The following LYN variants were observed in gnomAD, a reference collection of about 807,000 sequenced individuals.
The protein encoded by LYN is tyrosine-protein kinase Lyn.
Under a neutral mutation model 65.0 loss-of-function variants are expected in LYN, and 12 were observed. The observed-to-expected ratio is 0.18, with a 90% confidence interval of 0.12 to 0.30. LYN has a LOEUF of 0.30. Ranked by LOEUF, LYN falls within the 10% of genes least tolerant of loss-of-function variation. The pLI is 1.00. For synonymous variants in LYN, 222 were observed against 221.2 expected, an observed-to-expected ratio of 1.00 and a Z score of -0.03; for missense variants, 380 against 623.2, an observed-to-expected ratio of 0.61 and a Z score of 4.16.
intron 1 of LYN, among the ~76,000 whole-genome samples, chr8:55,936,596 C>T (rs905925894): frequency 7.9e-5 from 12 of 151,878 alleles, no homozygotes; most frequent in African/African-American, 2.4e-4. Context: ...GCAGAGATCG[C>T]GCCATTGCAC....
rs1000547484 is a variant in LYN, at chr8:55,879,965, AG to A, written c.-143del. ...GCGCCACCCCCGGCCCCGCGCCAGC[AG>A]CCCCTCGCCGCGCGTCCAGCGTTCC... On this transcript the variant is annotated 5_prime_UTR_variant, in exon 1 of 13. Transcript: ENST00000519728. 8.2e-6 allele frequency: 2 copies of A among 244,762 alleles called. No homozygotes were observed. The highest frequency in any genetic ancestry group is 4.7e-5 in the African/African-American group (2 of 42,598). The allele number at this position is 244,762 out of a possible 1,614,324, so 15.2% of individuals were successfully genotyped here.
chr8:55,936,302 G>A (rs771740148), intron 1 of LYN, among the ~76,000 whole-genome samples: 2 of 152,178 alleles, frequency 1.3e-5, no homozygotes, highest in African/African-American at 2.4e-5. Flanking sequence ...TGGATCTGGA[G>A]CTTCCTCCAC....
At chr8:55,911,166 TATACACGTATATATATATATATAC>T (rs1805608621) in intron 1 of LYN, among the ~76,000 whole-genome samples, 1 of 28,014 alleles carries the variant, frequency 3.6e-5, no homozygotes, top group Non-Finnish European at 7.9e-5. Context: ...TGTACATATA[TATACACGTATATATATATATATAC>T]ACACACACAT....
intron 1 of LYN, among the ~76,000 whole-genome samples, chr8:55,913,997 G>A (rs1163971418): frequency 5.9e-5 from 9 of 152,118 alleles, no homozygotes; most frequent in Non-Finnish European, 1.2e-4. Context: ...GATGAGCAAT[G>A]AGCAGTGAGG....
chr8:55,923,757 C>G (rs1806010611), intron 1 of LYN, among the ~76,000 whole-genome samples: 1 of 152,050 alleles, frequency 6.6e-6, no homozygotes, highest in Non-Finnish European at 1.5e-5. Context: ...CCAGGCTGGT[C>G]TCGAACTCCT....
chr8:56,009,379 CT>C (rs1207497752), intron 12 of LYN, among the ~76,000 whole-genome samples: 2 of 152,228 alleles, frequency 1.3e-5, no homozygotes, highest in African/African-American at 2.4e-5. Context: ...CAGAAATTTC[CT>C]TAGCTTCTAT....
At chr8:55,926,422 T>C (rs1303145386) in intron 1 of LYN, among the ~76,000 whole-genome samples, 1 of 152,260 alleles carries the variant, frequency 6.6e-6, no homozygotes, top group Non-Finnish European at 1.5e-5. Flanking sequence ...GTACTTTGCC[T>C]TGCCATTTTA....
At chr8:55,912,030 A>T (rs992275889) in intron 1 of LYN, among the ~76,000 whole-genome samples, 4 of 152,054 alleles carry the variant, frequency 2.6e-5, no homozygotes, top group African/African-American at 9.7e-5. Flanking sequence ...GCTTTCTCCC[A>T]TCTAGTGTTT....
At position 56,010,688 on chromosome 8, in the gene LYN, CTG is replaced by C. The variant is rs1299395852; in HGVS notation, c.*580_*581del. The C allele has an allele frequency of 4.3e-6, 1 of 232,156 alleles. No individual in the cohort carries two copies. The highest frequency in any genetic ancestry group is 2.2e-5 in the African/African-American group (1 of 44,986). 14.4% of individuals were successfully genotyped at this position (232,156 alleles called of 1,614,324 possible). A position where few individuals can be genotyped will look rare whatever the true frequency, so the allele number is the denominator to read the frequency against. On this transcript the variant is annotated 3_prime_UTR_variant, in exon 13 of 13. Coordinates refer to ENST00000519728, the MANE Select transcript of LYN (RefSeq NM_002350.4). The stretch of plus-strand genomic sequence containing the variant: ...TCCCCCTACCTCCCAAAATCTGAGA[CTG>C]TTAAAACATTTTTCTTCTATGAACA...
At chr8:56,007,075 A>G (rs1225774259) in intron 12 of LYN, among the ~76,000 whole-genome samples, 1 of 152,152 alleles carries the variant, frequency 6.6e-6, no homozygotes, top group Non-Finnish European at 1.5e-5. Flanking sequence ...AGGAAAAAAA[A>G]ATCTGCTGTG....
chr8:55,891,681 C>A, intron 1 of LYN, among the ~76,000 whole-genome samples: 1 of 151,880 alleles, frequency 6.6e-6, no homozygotes, highest in East Asian at 1.9e-4. Flanking sequence ...AAAATAGTTA[C>A]GATACAAGTT....
intron 1 of LYN, among the ~76,000 whole-genome samples, chr8:55,891,564 ATGGG>A (rs2130363258): frequency 6.6e-6 from 1 of 152,290 alleles, no homozygotes; most frequent in East Asian, 1.9e-4. Context: ...TTACTGCTTA[ATGGG>A]TACAGAGTTT....
chr8:55,930,960 G>T (rs1445944687), intron 1 of LYN, among the ~76,000 whole-genome samples: 2 of 152,054 alleles, frequency 1.3e-5, no homozygotes, highest in Non-Finnish European at 2.9e-5. Flanking sequence ...TACTCTCTAA[G>T]TTCTTACTCC....
At chr8:55,949,879 T>C (rs1341066933) in intron 4 of LYN, among the ~76,000 whole-genome samples, 1 of 152,116 alleles carries the variant, frequency 6.6e-6, no homozygotes, top group Non-Finnish European at 1.5e-5. Context: ...TTAGAACATT[T>C]TAAATACCCC....
chr8:55,894,536 A>ATT (rs34130107), intron 1 of LYN, among the ~76,000 whole-genome samples: 3 of 142,948 alleles, frequency 2.1e-5, no homozygotes, highest in Non-Finnish European at 1.5e-5. Flanking sequence ...CACCTGGCTA[A>ATT]TTTTTTTTTT....
At chr8:55,991,142 G>A (rs1387960781) in intron 10 of LYN, among the ~76,000 whole-genome samples, 3 of 152,194 alleles carry the variant, frequency 2.0e-5, no homozygotes, top group Non-Finnish European at 1.5e-5. Context: ...ATCCCACTCT[G>A]CCACCAGCCC....
intron 1 of LYN, among the ~76,000 whole-genome samples, chr8:55,910,142 T>A (rs950018426): frequency 2.0e-5 from 3 of 152,202 alleles, no homozygotes; most frequent in Admixed American, 6.5e-5. Context: ...GCAAAGCTTT[T>A]TAGTTTAAGT....
chr8:55,995,587 G>C (rs533486621), intron 10 of LYN, among the ~76,000 whole-genome samples: 3 of 152,288 alleles, frequency 2.0e-5, no homozygotes, highest in Non-Finnish European at 1.5e-5. Flanking sequence ...GGGAGCACTG[G>C]GGATGCATGC....
At chr8:55,911,398 G>A (rs1271754239) in intron 1 of LYN, among the ~76,000 whole-genome samples, 5 of 144,386 alleles carry the variant, frequency 3.5e-5, no homozygotes, top group African/African-American at 5.2e-5. Flanking sequence ...TTGGGATTAC[G>A]GGCGTGAGCC....
Sources: gnomAD v4.1 joint callset for allele counts (sites outside exome capture counted in the v4.1 genomes callset) on GRCh38, gnomAD v4.1.1 for gene constraint, MANE v1.5 for transcripts, NCBI Gene and HGNC (gene_info 2026-07-23, HGNC 2026-07-21) for gene names.